The following SFI1 variants were observed in gnomAD, a reference collection of about 807,000 sequenced individuals.
The protein encoded by SFI1 is SFI1 centrin binding protein, also known as protein SFI1 homolog.
In SFI1, 195 loss-of-function variants were observed where a neutral mutation model predicts 207.5. That is an observed-to-expected ratio of 0.94 (90% confidence interval 0.84 to 1.06). SFI1 has a LOEUF of 1.06. Ranked by LOEUF, SFI1 falls within the 50% of genes least tolerant of loss-of-function variation. The pLI is 0.00. For synonymous variants in SFI1, 630 were observed against 598.9 expected (o/e 1.05, Z -0.76); for missense variants, 1,634 against 1,588.0 (o/e 1.03, Z -0.49).
intron 4 of SFI1, among the ~76,000 whole-genome samples, chr22:31,540,345 G>A (rs1015351607): frequency 5.3e-5 from 8 of 149,812 alleles, no homozygotes; most frequent in African/African-American, 1.5e-4. Flanking sequence ...GTGCAGTGGC[G>A]CAATTGACTC....
At chr22:31,542,691 T>C (rs1807011713) in intron 4 of SFI1, among the ~76,000 whole-genome samples, 1 of 151,870 alleles carries the variant, frequency 6.6e-6, no homozygotes, top group Admixed American at 6.6e-5. Context: ...AGACAGAGTC[T>C]CACTATATCA....
chr22:31,537,693 T>C (rs1231427432), intron 4 of SFI1, among the ~76,000 whole-genome samples: 1 of 152,170 alleles, frequency 6.6e-6, no homozygotes, highest in East Asian at 1.9e-4. Context: ...CTACCAGAAT[T>C]AGAATTCTGA....
At chr22:31,593,055 C>T (rs1282780623) in intron 15 of SFI1, among the ~76,000 whole-genome samples, 5 of 139,590 alleles carry the variant, frequency 3.6e-5, no homozygotes, top group Non-Finnish European at 6.3e-5. Flanking sequence ...ACCTCCCTCC[C>T]GGACGGCACG....
intron 22 of SFI1, among the ~76,000 whole-genome samples, chr22:31,610,620 C>T (rs2069926015): frequency 6.6e-6 from 1 of 152,234 alleles, no homozygotes; most frequent in African/African-American, 2.4e-5. Context: ...GTGGCCCATT[C>T]CTGCAGAACC....
intron 6 of SFI1, among the ~76,000 whole-genome samples, chr22:31,552,029 C>T (rs1243938501): frequency 6.6e-6 from 1 of 152,204 alleles, no homozygotes; most frequent in East Asian, 1.9e-4. Flanking sequence ...CTCTTCCACC[C>T]TCCCTTCCCC....
chr22:31,545,995 C>T lies in SFI1; in HGVS notation c.339-866C>T, dbSNP rs553768147. On this transcript the variant is annotated intron_variant, in intron 4 of 32. Transcript: ENST00000400288. ...GGAACCTCTCCCTCCTGGGCTCAAGCGATCCTCCCACCTCAGCCTCCCAGG... is the reference window on the plus strand; with the variant it reads ...GGAACCTCTCCCTCCTGGGCTCAAGTGATCCTCCCACCTCAGCCTCCCAGG... Among the ~76,000 whole-genome samples the T allele has an allele frequency of 7.3e-5, 11 of 150,812 alleles. No individual in the cohort carries two copies. In the East Asian group the frequency reaches 7.8e-4, roughly 11 times the overall value.
At chr22:31,587,373 C>T in intron 14 of SFI1, 1 of 351,072 alleles carries the variant, frequency 2.8e-6, no homozygotes, top group Non-Finnish European at 6.2e-6. Flanking sequence ...ATGATCTTGG[C>T]TCACTGCAGC....
intron 14 of SFI1, 40 bp downstream of exon 14, chr22:31,585,174 A>T: frequency 6.5e-7 from 1 of 1,530,736 alleles, no homozygotes; most frequent in Non-Finnish European, 9.0e-7. Flanking sequence ...ACTGGCTTAC[A>T]TTCTTGGACC....
chr22:31,540,737 C>T (rs989990791), intron 4 of SFI1, among the ~76,000 whole-genome samples: 11 of 152,000 alleles, frequency 7.2e-5, no homozygotes, highest in South Asian at 2.1e-4. Flanking sequence ...TGCGCCACCA[C>T]GCCTGGCTAA....
chr22:31,561,322 G>T lies in SFI1; in HGVS notation c.695G>T (p.Gly232Val), dbSNP rs2061680418. Residue 232 changes from glycine (G) to valine (V), a missense_variant, in exon 8 of 33, where the codon GGA becomes GTA. By Grantham distance (109) the Gly-to-Val change is moderately radical (BLOSUM62 -3). Coordinates refer to ENST00000400288, the MANE Select transcript of SFI1 (RefSeq NM_001007467.3). ...TGGAGCACGTGGAGGCAGCGACTAG[G>T]ACAGGTCCGTGTGAGCCGTGCCCTC... ...VWWSTWRQRL[G>V]QVRVSRALHA... The T allele has an allele frequency of 6.2e-7, 1 of 1,614,016 alleles. No homozygotes were observed. The highest frequency in any genetic ancestry group is 1.3e-5 in the African/African-American group (1 of 74,932).
chr22:31,550,228 G>A (rs1371330740), intron 5 of SFI1, 26 bp from the exon 6 acceptor site: 4 of 1,594,822 alleles, frequency 2.5e-6, no homozygotes, highest in Non-Finnish European at 2.6e-6. Context: ...TTGAAGAAAT[G>A]CCATTTACTT....
chr22:31,571,983 C>T (rs745935639), intron 8 of SFI1, among the ~76,000 whole-genome samples: 2 of 151,576 alleles, frequency 1.3e-5, no homozygotes, highest in South Asian at 2.1e-4. Context: ...ACTGATGATT[C>T]GTAAGAGGGG....
chr22:31,517,510 A>G (rs1407555637), intron 2 of SFI1, among the ~76,000 whole-genome samples: 1 of 152,160 alleles, frequency 6.6e-6, no homozygotes, highest in Non-Finnish European at 1.5e-5. Context: ...GGCCTCCCAA[A>G]GTGCTGGGAT....
At chr22:31,553,838 GTTTTTTTTTTTT>G (rs58333559) in intron 6 of SFI1, among the ~76,000 whole-genome samples, 4 of 26,308 alleles carry the variant, frequency 1.5e-4, no homozygotes, top group Admixed American at 6.9e-4. Flanking sequence ...AATGGATTAT[GTTTTTTTTTTTT>G]TTTTTTTTTT....
At chr22:31,510,787 A>G (rs955680699) in intron 2 of SFI1, among the ~76,000 whole-genome samples, 1 of 152,058 alleles carries the variant, frequency 6.6e-6, no homozygotes, top group South Asian at 2.1e-4. Context: ...AAATTTTTCC[A>G]TTTCATTTAT....
intron 4 of SFI1, among the ~76,000 whole-genome samples, chr22:31,537,784 T>C (rs1277425708): frequency 2.0e-5 from 3 of 152,228 alleles, no homozygotes; most frequent in Non-Finnish European, 4.4e-5. Flanking sequence ...AATATCAATC[T>C]GTTAAAATCA....
chr22:31,566,733 A>G (rs942859240), intron 8 of SFI1, among the ~76,000 whole-genome samples: 1 of 152,220 alleles, frequency 6.6e-6, no homozygotes, highest in South Asian at 2.1e-4. Flanking sequence ...GGAAATGCTC[A>G]GTAAATGCTA....
At chr22:31,579,002 T>C (rs115490095) in intron 11 of SFI1, among the ~76,000 whole-genome samples, 1,533 of 152,306 alleles carry the variant, frequency 0.01, 25 homozygotes, top group African/African-American at 0.035. Context: ...ATTATTATTA[T>C]TTTTTAGAGA....
Position 31,618,127 on chromosome 22 carries a change from G to T in SFI1, c.3525G>T (p.Arg1175=). The T allele has an allele frequency of 6.3e-7, 1 of 1,576,322 alleles. No individual in the cohort carries two copies. Among genetic ancestry groups the T allele is most frequent in the East Asian group, 2.3e-5 (1 of 43,648 alleles). The change falls in exon 32 of 33, where the codon CGG becomes CGT. Residue 1175 remains arginine (R), a synonymous_variant. Coordinates refer to ENST00000400288, the MANE Select transcript of SFI1 (RefSeq NM_001007467.3). ...TTKQNLWSCR[R]QASSLRRWLE... ...CTCCACCCCTCAGGTCCTGTCGGCG[G>T]CAAGCGAGCAGCCTGCGCAGGTGGC...
Sources: gnomAD v4.1 joint callset for allele counts (sites outside exome capture counted in the v4.1 genomes callset) on GRCh38, gnomAD v4.1.1 for gene constraint, MANE v1.5 for transcripts, NCBI Gene and HGNC (gene_info 2026-07-23, HGNC 2026-07-21) for gene names.